The following PCDHA2 variants were observed in gnomAD, a reference collection of about 807,000 sequenced individuals.
PCDHA2 encodes the protein protocadherin alpha 2.
In PCDHA2, 58 loss-of-function variants were observed where a neutral mutation model predicts 66.0. The observed-to-expected ratio is 0.88, with a 90% CI of 0.71 to 1.09. The LOEUF is 1.09. Among genes scored for constraint, PCDHA2 ranks in the 50% least tolerant of loss-of-function variants. The pLI, the probability that PCDHA2 is intolerant of heterozygous loss-of-function variation, is 0.00. For synonymous variants in PCDHA2, 634 were observed against 554.0 expected (o/e 1.14, Z -2.03); for missense variants, 1,267 against 1,242.3 (o/e 1.02, Z -0.30).
intron 1 of PCDHA2, chr5:140,858,416 G>A (rs1301119075): frequency 6.4e-7 from 1 of 1,560,804 alleles, no homozygotes; most frequent in African/African-American, 1.4e-5. Context: ...TCAGTCTATT[G>A]GAGGGGACCA....
At chr5:140,952,970 T>C (rs2094826762) in intron 1 of PCDHA2, among the ~76,000 whole-genome samples, 1 of 152,000 alleles carries the variant, frequency 6.6e-6, no homozygotes, top group Non-Finnish European at 1.5e-5. Context: ...TACACACTTT[T>C]AAACAACAAG....
At chr5:140,802,440 C>T in intron 1 of PCDHA2, 2 of 1,614,204 alleles carry the variant, frequency 1.2e-6, no homozygotes, top group South Asian at 1.1e-5. Context: ...CCCTCTGGAC[C>T]GCGAGAGCGT....
At chr5:140,884,143 G>T in intron 1 of PCDHA2, 1 of 1,613,438 alleles carries the variant, frequency 6.2e-7, no homozygotes. Flanking sequence ...TCCGCGTGGG[G>T]CTGTACACTG....
chr5:140,858,135 T>C, intron 1 of PCDHA2: 1 of 1,597,450 alleles, frequency 6.3e-7, no homozygotes. Context: ...GATGTCAACG[T>C]GTACCTGATC....
At chr5:140,819,693 G>A (rs1297112025) in intron 1 of PCDHA2, among the ~76,000 whole-genome samples, 4 of 152,056 alleles carry the variant, frequency 2.6e-5, no homozygotes, top group Admixed American at 2.6e-4. Flanking sequence ...AAATGCAAGT[G>A]ATAATTTAAA....
intron 1 of PCDHA2, chr5:140,805,410 G>A: frequency 9.3e-7 from 1 of 1,073,830 alleles, no homozygotes; most frequent in East Asian, 7.2e-5. Flanking sequence ...CAGAAATTTG[G>A]TGGGTTTTTT....
rs2096830713 is a variant in PCDHA2 at position 140,978,969 on chromosome 5, C to G, written c.2409C>G (p.Asp803Glu). 4 of 1,614,092 alleles carry G rather than the reference C, an allele frequency of 2.5e-6. No homozygotes were observed. The highest frequency in any genetic ancestry group is 1.6e-4 in the Middle Eastern group (1 of 6,084). ...TGCAGCCACGACAGCCCAACCCTGACTGGCGTTACTCTGCCTCCCTGAGAG... is the reference window on the plus strand; with the variant it reads ...TGCAGCCACGACAGCCCAACCCTGAGTGGCGTTACTCTGCCTCCCTGAGAG... ...YVGKPRQPNP[D>E]WRYSASLRAG... The change falls in exon 2 of 4, where the codon GAC becomes GAG. Residue 803 changes from aspartate (D) to glutamate (E), a missense_variant. Coordinates refer to ENST00000526136, the MANE Select transcript of PCDHA2 (RefSeq NM_018905.3).
chr5:140,846,537 G>A (rs1780542061), intron 1 of PCDHA2, among the ~76,000 whole-genome samples: 1 of 148,262 alleles, frequency 6.7e-6, no homozygotes, highest in Admixed American at 6.8e-5. Context: ...ACCATGCCCT[G>A]CTAATTTTTT....
At chr5:140,967,029 G>T in intron 1 of PCDHA2, 1 of 1,609,056 alleles carries the variant, frequency 6.2e-7, no homozygotes, top group Non-Finnish European at 8.5e-7. Context: ...CCCAGTCCGC[G>T]CTACCTGGAG....
At chr5:140,957,900 G>A (rs2095395670) in intron 1 of PCDHA2, among the ~76,000 whole-genome samples, 1 of 151,932 alleles carries the variant, frequency 6.6e-6, no homozygotes, top group South Asian at 2.1e-4. Flanking sequence ...CATCAACCAA[G>A]GCATATTGTT....
intron 1 of PCDHA2, among the ~76,000 whole-genome samples, chr5:140,855,664 C>G (rs2043557127): frequency 6.7e-6 from 1 of 149,694 alleles, no homozygotes. Flanking sequence ...GAAGAAATCA[C>G]TACTCTGAGA....
chr5:140,937,790 T>G (rs2091754196), intron 1 of PCDHA2, among the ~76,000 whole-genome samples: 1 of 151,512 alleles, frequency 6.6e-6, no homozygotes, highest in Non-Finnish European at 1.5e-5. Flanking sequence ...CGGGCGTATG[T>G]AGTCCCAGCT....
Position 140,851,725 on chromosome 5 carries a change from G to A in PCDHA2, c.2388+54373G>A. On this transcript the variant is annotated intron_variant, in intron 1 of 3. Coordinates refer to ENST00000526136, the MANE Select transcript of PCDHA2 (RefSeq NM_018905.3). The stretch of plus-strand genomic sequence containing the variant: ...GCCATGTGAAGATTCGAAACTTCGA[G>A]TTCTTTTGAAATTCAGAGTCTGTAA... 2.1e-6 allele frequency: 2 copies of A among 968,614 alleles called. 1 individual carries two copies. The highest frequency in any genetic ancestry group is 9.6e-5 in the South Asian group (2 of 20,926). The allele number at this position is 968,614 out of a possible 1,614,324, so 60.0% of individuals were successfully genotyped here.
intron 1 of PCDHA2, chr5:140,809,383 C>T (rs558389511): frequency 1.9e-6 from 3 of 1,614,038 alleles, no homozygotes; most frequent in African/African-American, 1.3e-5. Flanking sequence ...AGGGCGCGTG[C>T]GCTCCGGGCA....
chr5:140,797,393 T>C, intron 1 of PCDHA2, 41 bp downstream of exon 1: 1 of 1,577,716 alleles, frequency 6.3e-7, no homozygotes, highest in Non-Finnish European at 8.7e-7. Context: ...AAAATTGTTC[T>C]TTTTAAAAAA....
rs782094851 is a variant in PCDHA2, at chr5:140,857,519, T to C, written c.2388+60167T>C. 175 of 1,597,972 alleles carry C rather than the reference T, an allele frequency of 1.1e-4. 14 individuals are homozygous for C. The highest frequency in any genetic ancestry group is 1.4e-4 in the Non-Finnish European group (163 of 1,167,816). On this transcript the variant is annotated intron_variant, in intron 1 of 3. Coordinates refer to ENST00000526136, the MANE Select transcript of PCDHA2 (RefSeq NM_018905.3). ...CGCGCAGGAGAACGCCCTGGTGTCCTACTCTCTGGTGGAGCGGCGGTTGGG... is the reference window on the plus strand; with the variant it reads ...CGCGCAGGAGAACGCCCTGGTGTCCCACTCTCTGGTGGAGCGGCGGTTGGG...
intron 1 of PCDHA2, chr5:140,884,795 T>C: frequency 7.8e-7 from 1 of 1,280,270 alleles, no homozygotes; most frequent in South Asian, 1.7e-5. Context: ...TGTTATCGAA[T>C]TTAACAACTC....
intron 1 of PCDHA2, chr5:140,834,530 G>A: frequency 6.2e-7 from 1 of 1,614,068 alleles, no homozygotes; most frequent in Non-Finnish European, 8.5e-7. Context: ...GCCGCATCGC[G>A]CAGGACCTGG....
rs539789047 is a variant in PCDHA2, at chr5:140,796,294, G to A, written c.1330G>A (p.Glu444Lys). The change falls in exon 1 of 4, where the codon GAG becomes AAG. Residue 444 changes from glutamate (E) to lysine (K), a missense_variant. Glu to Lys is a moderately conservative substitution (Grantham distance 56). Coordinates refer to ENST00000526136, the MANE Select transcript of PCDHA2 (RefSeq NM_018905.3). ...SLWATTSVSI[E>K]VADVNDNAPA... is the part of the protein sequence containing the mutation. ...GTGGGCCACCACCAGCGTGTCCATC[G>A]AGGTGGCCGACGTGAACGACAACGC... 1.2e-6 allele frequency: 2 copies of A among 1,614,094 alleles called. No individual in the cohort carries two copies. The highest frequency in any genetic ancestry group is 2.7e-5 in the African/African-American group (2 of 75,056).
Sources: allele counts gnomAD v4.1 joint callset (sites outside exome capture counted in the v4.1 genomes callset), GRCh38; gene constraint gnomAD v4.1.1; transcripts MANE v1.5; gene names NCBI Gene and HGNC (gene_info 2026-07-23, HGNC 2026-07-21).